The following UTP20 variants were observed in gnomAD, a reference collection of about 807,000 sequenced individuals.
The protein encoded by UTP20 is small subunit processome component 20 homolog.
A neutral mutation model predicts 329.5 loss-of-function variants in UTP20; 164 were observed. The ratio of observed to expected loss-of-function variants is 0.50; its 90% confidence interval spans 0.44 to 0.57. The LOEUF (loss-of-function observed/expected upper bound fraction) is 0.57, where lower values mean the gene tolerates loss of function less well. Ranked by LOEUF, UTP20 falls within the 20% of genes least tolerant of loss-of-function variation. UTP20 has a pLI of 0.00. For missense variants in UTP20, 3,055 were observed against 3,284.2 expected, an observed-to-expected ratio of 0.93 and a Z score of 1.71; for synonymous variants, 1,151 against 1,159.3, an observed-to-expected ratio of 0.99 and a Z score of 0.14.
intron 38 of UTP20, among the ~76,000 whole-genome samples, chr12:101,351,526 C>CTTTTTT: frequency 8.5e-6 from 1 of 117,874 alleles, no homozygotes; most frequent in South Asian, 2.7e-4. Flanking sequence ...AGGCAGTGTA[C>CTTTTTT]TTTTTTTTTT....
chr12:101,385,634 T>C lies in UTP20; in HGVS notation c.8108T>C (p.Leu2703Pro), dbSNP rs778866140. 3 of 1,613,980 alleles carry C rather than the reference T, an allele frequency of 1.9e-6. No individual in the cohort carries two copies. Among genetic ancestry groups the C allele is most frequent in the Non-Finnish European group, 1.7e-6 (2 of 1,179,998 alleles). The change falls in exon 61 of 62, where the codon CTG becomes CCG. Residue 2703 changes from leucine (L) to proline (P), a missense_variant. By Grantham distance (98) the Leu-to-Pro change is moderately conservative. Coordinates refer to ENST00000261637, the MANE Select transcript of UTP20 (RefSeq NM_014503.3). ...GAAATCATAGAATTACTCAAAAAGC[T>C]GGTTGGGCTTGAGAGCTTCTCATTA... ...SQEIIELLKK[L>P]VGLESFSLAF... is the part of the protein sequence containing the mutation.
At chr12:101,376,377 T>C (rs1344781682) in intron 56 of UTP20, among the ~76,000 whole-genome samples, 1 of 152,200 alleles carries the variant, frequency 6.6e-6, no homozygotes, top group Non-Finnish European at 1.5e-5. Flanking sequence ...AGAAATATAT[T>C]GTTATGCGAT....
chr12:101,366,269 TCTTG>T (rs1405146851), intron 46 of UTP20, among the ~76,000 whole-genome samples: 1 of 152,150 alleles, frequency 6.6e-6, no homozygotes, highest in Non-Finnish European at 1.5e-5. Flanking sequence ...TTCATTTTGG[TCTTG>T]CTTCTATGGT....
chr12:101,372,486 GT>G (rs1187460329), intron 51 of UTP20, among the ~76,000 whole-genome samples: 1 of 152,236 alleles, frequency 6.6e-6, no homozygotes, highest in East Asian at 1.9e-4. Flanking sequence ...ATTATTATCA[GT>G]ATTGATATTA....
chr12:101,287,746 C>G (rs1872006400), intron 5 of UTP20, among the ~76,000 whole-genome samples: 1 of 152,228 alleles, frequency 6.6e-6, no homozygotes, highest in African/African-American at 2.4e-5. Flanking sequence ...TTCTGTCATT[C>G]ATGCATTTGC....
intron 15 of UTP20, among the ~76,000 whole-genome samples, chr12:101,305,129 CTGGTTTTCTGGAGAAAACCA>C (rs539436747): frequency 4.3e-4 from 65 of 152,096 alleles, no homozygotes; most frequent in African/African-American, 1.4e-3. Flanking sequence ...CCTTTTTCCC[CTGGTTTTCTGGAGAAAACCA>C]GGGTTTTCTC....
chr12:101,345,543 C>T lies in UTP20; in HGVS notation c.4606-11C>T. 3 of 1,462,126 alleles carry T rather than the reference C, an allele frequency of 2.1e-6. No individual in the cohort carries two copies. Among genetic ancestry groups the T allele is most frequent in the Non-Finnish European group, 2.8e-6 (3 of 1,090,306 alleles). The allele number at this position is 1,462,126 out of a possible 1,614,324, so 90.6% of individuals were successfully genotyped here. A position where few individuals can be genotyped will look rare whatever the true frequency, so the allele number is the denominator to read the frequency against. On this transcript the variant is annotated splice_polypyrimidine_tract_variant and intron_variant, in intron 36 of 61. Coordinates refer to ENST00000261637, the MANE Select transcript of UTP20 (RefSeq NM_014503.3). ...AAAATAAAATGTTTTTTCTCCACTT[C>T]ATATTTACAGAGTATTCAGCAGGAT...
chr12:101,382,544 T>G (rs1200221284), intron 58 of UTP20, among the ~76,000 whole-genome samples: 1 of 152,114 alleles, frequency 6.6e-6, no homozygotes, highest in African/African-American at 2.4e-5. Context: ...TTGGATGCCC[T>G]ATGAGGAAGA....
At chr12:101,328,082 T>C (rs6538983) in intron 26 of UTP20, among the ~76,000 whole-genome samples, 85,592 of 152,088 alleles carry the variant, frequency 0.56, 26,996 homozygotes, top group East Asian at 0.94. Flanking sequence ...TTGCTTGAGG[T>C]CAAACATAGA....
rs754339350 is a variant in UTP20 at position 101,306,009 on chromosome 12, G to T, written c.1876G>T (p.Ala626Ser). Residue 626 changes from alanine (A) to serine (S), a missense_variant, in exon 16 of 62, where the codon GCT (alanine) becomes TCT (serine). Around this residue, in one of 3 missense-constraint regions of UTP20, gnomAD observed 2,445 missense variants for 2,575.5 expected, o/e 0.95. Transcript: ENST00000261637. ...CGCKGPLSQE[A>S]LMELFPKLQA... ...CTGCAAAGGGCCACTTTCCCAGGAG[G>T]CTTTAATGGAATTATTTCCCAAGTT... 1 of 1,613,784 alleles carries T rather than the reference G, an allele frequency of 6.2e-7. No homozygotes were observed. The highest frequency in any genetic ancestry group is 8.5e-7 in the Non-Finnish European group (1 of 1,179,848).
intron 58 of UTP20, among the ~76,000 whole-genome samples, 166 bp downstream of exon 58, chr12:101,381,377 A>G (rs926993765): frequency 2.6e-5 from 4 of 152,272 alleles, no homozygotes; most frequent in Non-Finnish European, 5.9e-5. Flanking sequence ...TACTAAAAAT[A>G]CAAAAAAATT....
In UTP20 at chr12:101,342,783, T is replaced by G; in HGVS notation, c.4246-4T>G. 1 of 1,612,586 alleles carries G rather than the reference T, an allele frequency of 6.2e-7. No homozygotes were observed. The highest frequency in any genetic ancestry group is 8.5e-7 in the Non-Finnish European group (1 of 1,179,084). Reference sequence around the variant, plus strand: ...GATAAATACACTGTTTTCTTTCCTTTCAGACTCTTTCTGATTTTGAGAGTG... The same window carrying G: ...GATAAATACACTGTTTTCTTTCCTTGCAGACTCTTTCTGATTTTGAGAGTG... On this transcript the variant is annotated splice_polypyrimidine_tract_variant and splice_region_variant and intron_variant, in intron 33 of 61. Transcript: ENST00000261637.
intron 41 of UTP20, among the ~76,000 whole-genome samples, chr12:101,355,969 G>A (rs190024870): frequency 5.6e-4 from 85 of 152,048 alleles, no homozygotes; most frequent in African/African-American, 2.0e-3. Flanking sequence ...TGAAAATCTG[G>A]CTTTATTTTT....
rs79627558 is a variant in UTP20 at position 101,285,972 on chromosome 12, G to A, written c.326+91G>A. On this transcript the variant is annotated intron_variant, in intron 4 of 61. Coordinates refer to ENST00000261637, the MANE Select transcript of UTP20 (RefSeq NM_014503.3). ...CAAAGCTACATATACCGCAGATCAG[G>A]TGCTCATAATTTAGAAACAAGGAGG... 604 of 1,501,946 alleles carry A rather than the reference G, an allele frequency of 4.0e-4. No homozygotes were observed. The African/African-American group carries it at 7.3e-3, about 18-fold the overall frequency. 93.0% of individuals were successfully genotyped at this position (1,501,946 alleles called of 1,614,324 possible). A position where few individuals can be genotyped will look rare whatever the true frequency, so the allele number is the denominator to read the frequency against.
At chr12:101,377,080 C>T (rs749086320) in intron 56 of UTP20, among the ~76,000 whole-genome samples, 9 of 151,976 alleles carry the variant, frequency 5.9e-5, no homozygotes, top group South Asian at 2.1e-4. Flanking sequence ...TGTGCCCAGC[C>T]GGGACCACAT....
At chr12:101,323,798 A>G (rs1271104452) in intron 25 of UTP20, among the ~76,000 whole-genome samples, 1 of 152,170 alleles carries the variant, frequency 6.6e-6, no homozygotes, top group East Asian at 1.9e-4. Context: ...TTTCTTTCCA[A>G]ATAGTGTTAC....
chr12:101,336,376 A>G (rs1465562433), intron 29 of UTP20, among the ~76,000 whole-genome samples: 1 of 152,236 alleles, frequency 6.6e-6, no homozygotes, highest in Non-Finnish European at 1.5e-5. Context: ...TCTATAGAGA[A>G]GTCTAGCATT....
chr12:101,333,238 T>G, intron 27 of UTP20, 63 bp from the exon 28 acceptor site: 1 of 1,529,244 alleles, frequency 6.5e-7, no homozygotes, highest in East Asian at 2.3e-5. Context: ...AGTGCCTCTC[T>G]GAGGAATCAG....
chr12:101,345,437 T>C (rs565479067), intron 36 of UTP20, 117 bp from the exon 37 acceptor site: 1 of 733,864 alleles, frequency 1.4e-6, no homozygotes, highest in South Asian at 2.5e-5. Context: ...TCCTGACTTT[T>C]TTTTTTAACA....
Sources: allele counts gnomAD v4.1 joint callset (sites outside exome capture counted in the v4.1 genomes callset), GRCh38; gene constraint gnomAD v4.1.1; regional missense constraint gnomAD v4.1.1; transcripts MANE v1.5; gene names NCBI Gene and HGNC (gene_info 2026-07-23, HGNC 2026-07-21).